The following IL1RAPL1 variants were observed in gnomAD, a reference collection of about 807,000 sequenced individuals.
The protein encoded by IL1RAPL1 is interleukin 1 receptor accessory protein like 1, also known as interleukin-1 receptor accessory protein-like 1.
A neutral mutation model predicts 48.4 loss-of-function variants in IL1RAPL1; 3 were observed. That is an observed-to-expected ratio of 0.06 (90% CI 0.03 to 0.16). The LOEUF is 0.16. Among genes scored for constraint, IL1RAPL1 ranks in the 10% least tolerant of loss-of-function variants. IL1RAPL1 has a pLI of 1.00. For missense variants in IL1RAPL1, 349 were observed against 530.6 expected, an observed-to-expected ratio of 0.66 and a Z score of 3.36; for synonymous variants, 185 against 187.7, an observed-to-expected ratio of 0.99 and a Z score of 0.12.
chrX:28,800,191 T>A (rs1049501040), intron 2 of IL1RAPL1, among the ~76,000 whole-genome samples: 2 of 111,865 alleles, frequency 1.8e-5, no homozygotes, highest in South Asian at 7.4e-4. Flanking sequence ...TTCCCCTCTG[T>A]GTCTTTAATC....
At chrX:28,600,756 G>C (rs1396219858) in intron 1 of IL1RAPL1, among the ~76,000 whole-genome samples, 1 of 111,606 alleles carries the variant, frequency 9.0e-6, no homozygotes, top group East Asian at 2.8e-4. Context: ...ATTTGGACTG[G>C]AGGGGAACTA....
chrX:28,615,055 C>A lies in IL1RAPL1; in HGVS notation c.-25+27008C>A, dbSNP rs187341577. Among the ~76,000 whole-genome samples, 377 of 109,215 alleles carry A rather than the reference C, an allele frequency of 3.5e-3. 2 individuals carry two copies. The highest frequency in any genetic ancestry group is 4.0e-3 in the Non-Finnish European group (212 of 52,493). The allele number at this position is 109,215 out of a possible 115,157, so 94.8% of individuals were successfully genotyped here. On this transcript the variant is annotated intron_variant, in intron 1 of 10. Coordinates refer to ENST00000378993, the MANE Select transcript of IL1RAPL1 (RefSeq NM_014271.4). ...AGGTGCCCGCCACCACGCCCGGCTA[C>A]TTTTTTGTATTTTTAGTAGAGACGG...
chrX:29,468,529 A>G (rs142030923), intron 5 of IL1RAPL1, among the ~76,000 whole-genome samples: 1,420 of 102,387 alleles, frequency 0.014, 16 homozygotes, highest in African/African-American at 0.046. Context: ...CAATCCTCCT[A>G]GGCATAGTGG....
intron 5 of IL1RAPL1, among the ~76,000 whole-genome samples, chrX:29,625,464 T>C (rs1455904404): frequency 8.9e-6 from 1 of 111,966 alleles, no homozygotes; most frequent in Non-Finnish European, 1.9e-5. Context: ...TGTACTGGAC[T>C]CTTGGACAAA....
In IL1RAPL1 at chrX:29,449,166, C is replaced by T. The variant is rs904358285; in HGVS notation, c.703+49858C>T. On this transcript the variant is annotated intron_variant, in intron 5 of 10. Coordinates refer to ENST00000378993, the MANE Select transcript of IL1RAPL1 (RefSeq NM_014271.4). ...TTCCCATTTATACATAAGGAAACCG[C>T]GATAGAGATAGCTTTAAAACTTTCC... is the stretch of plus-strand genomic sequence containing the variant. Among the ~76,000 whole-genome samples the T allele has an allele frequency of 6.3e-5, 7 of 111,542 alleles. No individual in the cohort carries two copies. In the East Asian group the frequency reaches 1.1e-3, roughly 18 times the overall value.
chrX:29,260,424 T>A (rs755134870), intron 2 of IL1RAPL1, among the ~76,000 whole-genome samples: 2 of 112,049 alleles, frequency 1.8e-5, no homozygotes, highest in South Asian at 7.5e-4. Flanking sequence ...CAAAGTCATG[T>A]CTTACATGGC....
chrX:29,412,799 T>G (rs1186608779), intron 5 of IL1RAPL1, among the ~76,000 whole-genome samples: 1 of 112,038 alleles, frequency 8.9e-6, no homozygotes, highest in Non-Finnish European at 1.9e-5. Flanking sequence ...GTTATCTGTC[T>G]TCATTAAATG....
At chrX:28,770,810 C>T in intron 1 of IL1RAPL1, among the ~76,000 whole-genome samples, 1 of 112,069 alleles carries the variant, frequency 8.9e-6, no homozygotes, top group East Asian at 2.8e-4. Flanking sequence ...TCAATTTCTC[C>T]ATCTACAATA....
At chrX:28,643,813 C>T (rs1170143578) in intron 1 of IL1RAPL1, among the ~76,000 whole-genome samples, 1 of 111,796 alleles carries the variant, frequency 8.9e-6, no homozygotes, top group Non-Finnish European at 1.9e-5. Context: ...CTTCCCAAAT[C>T]CCTCTCTTCA....
At chrX:29,763,237 A>G (rs2147146386) in intron 6 of IL1RAPL1, among the ~76,000 whole-genome samples, 1 of 111,021 alleles carries the variant, frequency 9.0e-6, no homozygotes, top group South Asian at 3.8e-4. Flanking sequence ...AGGATATTAT[A>G]TTAGTCTTGA....
intron 6 of IL1RAPL1, among the ~76,000 whole-genome samples, chrX:29,723,169 C>A (rs770309696): frequency 2.0e-4 from 23 of 112,215 alleles, no homozygotes; most frequent in Middle Eastern, 4.2e-3. Flanking sequence ...TTGTACATTC[C>A]CTATGATTTT....
chrX:29,499,632 A>G (rs1365854967), intron 5 of IL1RAPL1, among the ~76,000 whole-genome samples: 1 of 111,636 alleles, frequency 9.0e-6, no homozygotes, highest in African/African-American at 3.3e-5. Flanking sequence ...GGAAGGTTTA[A>G]TATAATCAAT....
intron 2 of IL1RAPL1, among the ~76,000 whole-genome samples, chrX:28,821,454 A>G (rs1172107468): frequency 9.0e-6 from 1 of 111,277 alleles, no homozygotes; most frequent in African/African-American, 3.3e-5. Context: ...AATTACAAAA[A>G]TCTTTTAAGT....
At chrX:29,273,019 T>C (rs1458869234) in intron 2 of IL1RAPL1, among the ~76,000 whole-genome samples, 1 of 112,031 alleles carries the variant, frequency 8.9e-6, no homozygotes, top group African/African-American at 3.2e-5. Context: ...CTATTTTGCC[T>C]TCCAGCTCCT....
intron 2 of IL1RAPL1, among the ~76,000 whole-genome samples, chrX:29,202,101 T>C (rs1280681165): frequency 8.9e-6 from 1 of 112,603 alleles, no homozygotes; most frequent in Non-Finnish European, 1.9e-5. Flanking sequence ...TGGCAAGACA[T>C]ATGCAAACTA....
chrX:29,817,032 A>G (rs951938367), intron 6 of IL1RAPL1, among the ~76,000 whole-genome samples: 7 of 110,283 alleles, frequency 6.3e-5, no homozygotes, highest in African/African-American at 2.0e-4. Context: ...TCTAGGTTTC[A>G]ATATTCATTC....
intron 2 of IL1RAPL1, among the ~76,000 whole-genome samples, chrX:28,851,937 A>C (rs1921672669): frequency 8.9e-6 from 1 of 112,169 alleles, no homozygotes; most frequent in African/African-American, 3.2e-5. Flanking sequence ...GCCTCAGTGA[A>C]ATTTCTATTA....
chrX:29,305,577 G>A (rs1468231846), intron 3 of IL1RAPL1, among the ~76,000 whole-genome samples: 3 of 111,691 alleles, frequency 2.7e-5, no homozygotes, highest in Non-Finnish European at 3.8e-5. Flanking sequence ...GGATTGTGGA[G>A]AAGAGAGTGG....
At chrX:29,569,967 G>A (rs1343279307) in intron 5 of IL1RAPL1, among the ~76,000 whole-genome samples, 1 of 111,844 alleles carries the variant, frequency 8.9e-6, no homozygotes, top group Non-Finnish European at 1.9e-5. Context: ...ATATGTGAAG[G>A]CATTTAACTA....
Sources: allele counts gnomAD v4.1 joint callset (sites outside exome capture counted in the v4.1 genomes callset), GRCh38; gene constraint gnomAD v4.1.1; transcripts MANE v1.5; gene names NCBI Gene and HGNC (gene_info 2026-07-23, HGNC 2026-07-21).